Variants in ATXN7 observed in about 807,000 individuals in gnomAD.
ATXN7 encodes ataxin 7.
Under a neutral mutation model 70.5 loss-of-function variants are expected in ATXN7, and 12 were observed. That is an observed-to-expected ratio of 0.17 (90% CI 0.11 to 0.28). The LOEUF (loss-of-function observed/expected upper bound fraction) is 0.28. Ranked by LOEUF, ATXN7 falls within the 10% of genes least tolerant of loss-of-function variation. ATXN7 has a pLI of 1.00. For missense variants in ATXN7, 1,256 were observed against 1,131.7 expected (o/e 1.11, Z -1.58); for synonymous variants, 498 against 448.7 (o/e 1.11, Z -1.39).
At chr3:63,966,513 T>C (rs2075225109) in intron 5 of ATXN7, among the ~76,000 whole-genome samples, 1 of 152,168 alleles carries the variant, frequency 6.6e-6, no homozygotes. Flanking sequence ...TGCGTTCTTC[T>C]AGTGTCTTCT....
intron 5 of ATXN7, among the ~76,000 whole-genome samples, chr3:63,962,284 C>A (rs905333260): frequency 6.6e-6 from 1 of 151,988 alleles, no homozygotes; most frequent in African/African-American, 2.4e-5. Context: ...TACAAATAGC[C>A]CCTGATCACA....
At chr3:63,978,584 C>G (rs1222046766) in intron 5 of ATXN7, among the ~76,000 whole-genome samples, 1 of 152,114 alleles carries the variant, frequency 6.6e-6, no homozygotes, top group African/African-American at 2.4e-5. Context: ...TTTTTTATTC[C>G]TTATACACAG....
At chr3:63,906,763 G>A (rs1412018338) in intron 2 of ATXN7, among the ~76,000 whole-genome samples, 1 of 152,192 alleles carries the variant, frequency 6.6e-6, no homozygotes, top group Non-Finnish European at 1.5e-5. Flanking sequence ...AAAGGCTTGG[G>A]AACTGGGAGT....
chr3:63,991,474 CTT>C (rs2075670869), intron 11 of ATXN7, among the ~76,000 whole-genome samples: 1 of 152,012 alleles, frequency 6.6e-6, no homozygotes, highest in Non-Finnish European at 1.5e-5. Flanking sequence ...AGAGGCAGTC[CTT>C]GAACTGAGAA....
intron 1 of ATXN7, among the ~76,000 whole-genome samples, chr3:63,893,182 T>A (rs1286665366): frequency 6.6e-6 from 1 of 152,224 alleles, no homozygotes; most frequent in Non-Finnish European, 1.5e-5. Context: ...TGGTAAGTGT[T>A]CAGTAAATGT....
chr3:63,979,441 A>C (rs1190669958), intron 5 of ATXN7, among the ~76,000 whole-genome samples: 1 of 152,254 alleles, frequency 6.6e-6, no homozygotes, highest in African/African-American at 2.4e-5. Flanking sequence ...TGACAGGGAA[A>C]AAAAAGAAGG....
In ATXN7 at chr3:63,996,401, C is replaced by T; in HGVS notation, c.2579C>T (p.Pro860Leu). 6.2e-7 allele frequency: 1 copy of T among 1,614,160 alleles called. No homozygotes were observed. The part of the protein sequence containing the change: ...SSKPTKVAKV[P>L]AVNNVHMKHT... Reference sequence around the variant, plus strand: ...AAACCCACAAAGGTTGCCAAAGTGCCAGCCGTGAACAATGTCCACATGAAA... The same window carrying T: ...AAACCCACAAAGGTTGCCAAAGTGCTAGCCGTGAACAATGTCCACATGAAA... Residue 860 changes from proline (P) to leucine (L), a missense_variant, in exon 12 of 13, where the codon CCA becomes CTA. Coordinates refer to ENST00000674280, the MANE Select transcript of ATXN7 (RefSeq NM_001377405.1).
chr3:63,871,501 T>C (rs2107200764), intron 1 of ATXN7, among the ~76,000 whole-genome samples: 1 of 152,332 alleles, frequency 6.6e-6, no homozygotes, highest in South Asian at 2.1e-4. Flanking sequence ...TGGTGAAGTA[T>C]GCACAGATGT....
intron 8 of ATXN7, among the ~76,000 whole-genome samples, chr3:63,984,264 C>A (rs907881819): frequency 2.0e-5 from 3 of 151,528 alleles, no homozygotes; most frequent in Non-Finnish European, 4.4e-5. Context: ...CATACACATA[C>A]ACATTCTGAA....
intron 4 of ATXN7, among the ~76,000 whole-genome samples, chr3:63,915,189 C>A (rs956071331): frequency 6.6e-6 from 1 of 152,180 alleles, no homozygotes; most frequent in African/African-American, 2.4e-5. Context: ...CCTGCCTCGG[C>A]CTCCCAAAGT....
chr3:63,996,601 C>A, intron 12 of ATXN7, 118 bp downstream of exon 12: 3 of 576,836 alleles, frequency 5.2e-6, no homozygotes, highest in Non-Finnish European at 5.4e-6. Context: ...AGATATTCAG[C>A]TTCATGGTGT....
chr3:63,993,275 A>AT (rs556994956), intron 11 of ATXN7, among the ~76,000 whole-genome samples: 2,659 of 116,000 alleles, frequency 0.023, 31 homozygotes, highest in Non-Finnish European at 0.034. Context: ...TTGTTGGTGT[A>AT]TTTTTTTTTT....
chr3:63,897,695 G>A (rs1703488312), intron 1 of ATXN7, among the ~76,000 whole-genome samples: 1 of 152,180 alleles, frequency 6.6e-6, no homozygotes, highest in Non-Finnish European at 1.5e-5. Context: ...CTGCCCGATA[G>A]CTGTGTCATT....
chr3:63,951,172 C>T (rs1030122901), intron 4 of ATXN7, among the ~76,000 whole-genome samples: 25 of 152,010 alleles, frequency 1.6e-4, no homozygotes, highest in African/African-American at 5.6e-4. Flanking sequence ...TAGTATATTT[C>T]GGATTATAGC....
chr3:63,877,848 C>T (rs1051144055), intron 1 of ATXN7, among the ~76,000 whole-genome samples: 1 of 152,192 alleles, frequency 6.6e-6, no homozygotes, highest in African/African-American at 2.4e-5. Flanking sequence ...TAACATCTAA[C>T]CTCAAATCCG....
At chr3:63,946,428 A>G (rs530942723) in intron 4 of ATXN7, among the ~76,000 whole-genome samples, 1 of 152,208 alleles carries the variant, frequency 6.6e-6, no homozygotes, top group Middle Eastern at 3.4e-3. Context: ...TCACAAGGTC[A>G]GGAGATTGAG....
At chr3:63,944,490 A>G (rs966374713) in intron 4 of ATXN7, among the ~76,000 whole-genome samples, 2 of 151,942 alleles carry the variant, frequency 1.3e-5, no homozygotes, top group African/African-American at 2.4e-5. Flanking sequence ...GATATACTGG[A>G]CAAAGGGATG....
chr3:63,912,513 G>A, intron 2 of ATXN7, 75 bp from the exon 3 acceptor site: 2 of 978,658 alleles, frequency 2.0e-6, no homozygotes, highest in Non-Finnish European at 2.5e-6. Context: ...CGCGCACGCC[G>A]CCGGAACTCC....
chr3:63,864,136 C>G lies in ATXN7; in HGVS notation c.-133C>G, dbSNP rs1346532724. Among the ~76,000 whole-genome samples the G allele has an allele frequency of 1.3e-5, 2 of 149,244 alleles. No individual in the cohort carries two copies. The highest frequency in any genetic ancestry group is 2.1e-4 in the South Asian group (1 of 4,804). On this transcript the variant is annotated 5_prime_UTR_variant, in exon 1 of 13. Coordinates refer to ENST00000674280, the MANE Select transcript of ATXN7 (RefSeq NM_001377405.1). ...CCCGGCCCACGCCCAGAGGCCGCCCCGGAGGCCGCAGCCAGCCGCCAGGTG... is the reference window on the plus strand; with the variant it reads ...CCCGGCCCACGCCCAGAGGCCGCCCGGGAGGCCGCAGCCAGCCGCCAGGTG...
Sources: gnomAD v4.1 joint callset for allele counts (sites outside exome capture counted in the v4.1 genomes callset) on GRCh38, gnomAD v4.1.1 for gene constraint, MANE v1.5 for transcripts, NCBI Gene and HGNC (gene_info 2026-07-23, HGNC 2026-07-21) for gene names.